PTCD3: variants seen among roughly 807,000 people sequenced by gnomAD.
PTCD3 encodes the protein pentatricopeptide repeat domain 3, also known as small ribosomal subunit protein mS39.
A neutral mutation model predicts 101.9 loss-of-function variants in PTCD3; 89 were observed. That is an observed-to-expected ratio of 0.87 (90% CI 0.74 to 1.04). The LOEUF is 1.04. PTCD3 is among the 50% of genes least tolerant of loss of function. PTCD3 has a pLI of 0.00. For synonymous variants in PTCD3, 296 were observed against 278.5 expected (o/e 1.06, Z -0.63); for missense variants, 870 against 828.2 (o/e 1.05, Z -0.62).
In PTCD3 at chr2:86,125,899, T is replaced by C; in HGVS notation, c.951+19T>C. 1 of 1,522,336 alleles carries C rather than the reference T, an allele frequency of 6.6e-7. No homozygotes were observed. The highest frequency in any genetic ancestry group is 9.1e-7 in the Non-Finnish European group (1 of 1,099,178). 94.3% of individuals were successfully genotyped at this position (1,522,336 alleles called of 1,614,324 possible). A position where few individuals can be genotyped will look rare whatever the true frequency, so the allele number is the denominator to read the frequency against. On this transcript the variant is annotated intron_variant, in intron 12 of 23. Coordinates refer to ENST00000254630, the MANE Select transcript of PTCD3 (RefSeq NM_017952.6). ...AATACTGGTAAGGAGGAATCCTCAG[T>C]TTATTTTTTAATAGGGCTTAAATAC...
chr2:86,123,991 C>T (rs1407717116), intron 9 of PTCD3, among the ~76,000 whole-genome samples: 1 of 151,888 alleles, frequency 6.6e-6, no homozygotes, highest in African/African-American at 2.4e-5. Context: ...CTTTTTTTTC[C>T]CTCATCTGTT....
intron 4 of PTCD3, among the ~76,000 whole-genome samples, chr2:86,115,138 G>A (rs4832247): frequency 0.72 from 109,901 of 152,144 alleles, 42,101 homozygotes; most frequent in Non-Finnish European, 0.84. Context: ...TAGGAATGGT[G>A]AGAACCCTTC....
intron 4 of PTCD3, 46 bp from the exon 5 acceptor site, chr2:86,116,484 C>A (rs1209302413): frequency 2.1e-6 from 3 of 1,456,626 alleles, no homozygotes; most frequent in Non-Finnish European, 2.9e-6. Flanking sequence ...TTACAGTGAG[C>A]TGTCTTCAAA....
chr2:86,128,122 A>G (rs1244470867), intron 14 of PTCD3, 131 bp downstream of exon 14: 1 of 802,262 alleles, frequency 1.2e-6, no homozygotes, highest in Admixed American at 2.3e-5. Flanking sequence ...ATTAACCTGT[A>G]CAGCCTGAGC....
intron 7 of PTCD3, among the ~76,000 whole-genome samples, chr2:86,120,412 A>T (rs1028964140): frequency 6.6e-6 from 1 of 152,028 alleles, no homozygotes; most frequent in Non-Finnish European, 1.5e-5. Flanking sequence ...ACAATACCTT[A>T]TTCATTGGTG....
chr2:86,110,966 A>C (rs968474822), intron 3 of PTCD3, 147 bp from the exon 4 acceptor site: 1 of 807,038 alleles, frequency 1.2e-6, no homozygotes, highest in Non-Finnish European at 2.2e-6. Context: ...CTTAATTTCT[A>C]ATTTATTCTA....
At chr2:86,137,302 T>C (rs1674604609) in intron 23 of PTCD3, among the ~76,000 whole-genome samples, 162 bp downstream of exon 23, 1 of 152,174 alleles carries the variant, frequency 6.6e-6, no homozygotes, top group Non-Finnish European at 1.5e-5. Context: ...GGAAAGCCTA[T>C]AGATTTGACT....
rs894587268 is a variant in PTCD3, at chr2:86,140,516, C to T, written c.*2957C>T. On this transcript the variant is annotated 3_prime_UTR_variant, in exon 24 of 24. Transcript: ENST00000254630. ...GCATAGATATATGCATTAAGTGTAG[C>T]AAATCGTGATGTAAATTTTTTACTG... is the stretch of plus-strand genomic sequence containing the variant. 1 of 152,046 alleles carries T rather than the reference C, an allele frequency of 6.6e-6. No individual in the cohort carries two copies. Among genetic ancestry groups the T allele is most frequent in the African/African-American group, 2.4e-5 (1 of 41,382 alleles). 9.4% of individuals were successfully genotyped at this position (152,046 alleles called of 1,614,324 possible).
rs1390012607 is a variant in PTCD3 at position 86,125,067 on chromosome 2, C to T, written c.789C>T (p.Ile263=). Residue 263 remains isoleucine, a synonymous_variant, in exon 10 of 24, where the codon ATC becomes ATT. Coordinates refer to ENST00000254630, the MANE Select transcript of PTCD3 (RefSeq NM_017952.6). ...ATGAACATTCCTATTGCACAATGAT[C>T]CGAGGAATGGTGAAGGTACATTTGT... The part of the protein sequence containing the change: ...EKNEHSYCTM[I]RGMVKHRAYE... 1.9e-6 allele frequency: 3 copies of T among 1,613,920 alleles called. No individual in the cohort carries two copies. The highest frequency in any genetic ancestry group is 1.7e-6 in the Non-Finnish European group (2 of 1,179,986).
intron 3 of PTCD3, among the ~76,000 whole-genome samples, chr2:86,110,284 AAATT>A (rs1443682322): frequency 6.6e-6 from 1 of 152,246 alleles, no homozygotes; most frequent in African/African-American, 2.4e-5. Flanking sequence ...CGTGGATAGA[AAATT>A]TAGTGGATAT....
chr2:86,110,962 T>C (rs1674066964), intron 3 of PTCD3, 151 bp from the exon 4 acceptor site: 1 of 797,336 alleles, frequency 1.3e-6, no homozygotes, highest in African/African-American at 1.7e-5. Context: ...TTTTCTTAAT[T>C]TCTAATTTAT....
At chr2:86,121,318 C>G in intron 7 of PTCD3, 161 bp from the exon 8 acceptor site, 1 of 485,528 alleles carries the variant, frequency 2.1e-6, no homozygotes, top group East Asian at 3.2e-5. Flanking sequence ...TACGTCACTT[C>G]AGGTGTTTAA....
intron 1 of PTCD3, among the ~76,000 whole-genome samples, chr2:86,107,617 T>C (rs1402794875): frequency 6.6e-6 from 1 of 152,240 alleles, no homozygotes; most frequent in East Asian, 1.9e-4. Context: ...AATGATTCTA[T>C]ATTTTGGTTT....
intron 4 of PTCD3, among the ~76,000 whole-genome samples, chr2:86,114,829 C>G (rs1308114162): frequency 6.6e-6 from 1 of 152,174 alleles, no homozygotes; most frequent in Admixed American, 6.5e-5. Context: ...AGAGAAAAGG[C>G]TCATTGGATA....
intron 4 of PTCD3, among the ~76,000 whole-genome samples, chr2:86,114,547 A>G (rs1674147456): frequency 6.6e-6 from 1 of 152,336 alleles, no homozygotes; most frequent in South Asian, 2.1e-4. Flanking sequence ...AAAGAGAGCT[A>G]TGTGGAGAAT....
intron 9 of PTCD3, 81 bp from the exon 10 acceptor site, chr2:86,124,914 A>G (rs75544197): frequency 0.032 from 50,080 of 1,553,450 alleles, 995 homozygotes; most frequent in Middle Eastern, 0.046. Flanking sequence ...TGCCTAGAAC[A>G]TAATAAACCG....
At chr2:86,107,106 A>C in intron 1 of PTCD3, 1 of 470,964 alleles carries the variant, frequency 2.1e-6, no homozygotes, top group Non-Finnish European at 4.4e-6. Context: ...TTTTATATGT[A>C]CTCTCCCTTA....
intron 3 of PTCD3, chr2:86,108,857 CAT>C (rs1368885454): frequency 4.0e-5 from 10 of 249,186 alleles, no homozygotes; most frequent in Middle Eastern, 1.2e-3. Flanking sequence ...GAAGTTCTCT[CAT>C]ATGATTCAAG....
At chr2:86,118,662 TA>T (rs1674222549) in intron 6 of PTCD3, among the ~76,000 whole-genome samples, 4 of 152,182 alleles carry the variant, frequency 2.6e-5, no homozygotes, top group Non-Finnish European at 5.9e-5. Flanking sequence ...TTGAATAAGT[TA>T]GTGAATGAGG....
Sources: gnomAD v4.1 joint callset for allele counts (sites outside exome capture counted in the v4.1 genomes callset) on GRCh38, gnomAD v4.1.1 for gene constraint, MANE v1.5 for transcripts, NCBI Gene and HGNC (gene_info 2026-07-23, HGNC 2026-07-21) for gene names.